Variants in DOK6 observed in about 807,000 individuals in gnomAD.
DOK6 encodes the protein docking protein 6, also known as downstream of tyrosine kinase 6.
A neutral mutation model predicts 44.0 loss-of-function variants in DOK6; 22 were observed. The observed-to-expected ratio is 0.50, with a 90% CI of 0.36 to 0.71. DOK6 has a LOEUF of 0.71. DOK6 is among the 30% of genes least tolerant of loss of function. The probability of loss-of-function intolerance (pLI) is 0.00; values close to 1 mark genes in which losing one functional copy is unlikely to be tolerated. For missense variants in DOK6, 340 were observed against 416.4 expected, an observed-to-expected ratio of 0.82 and a Z score of 1.60; for synonymous variants, 166 against 145.5, an observed-to-expected ratio of 1.14 and a Z score of -1.01.
chr18:69,690,174 A>G (rs892676232), intron 4 of DOK6, among the ~76,000 whole-genome samples: 14 of 152,120 alleles, frequency 9.2e-5, no homozygotes, highest in Non-Finnish European at 2.1e-4. Context: ...GGGAATTTTA[A>G]AAAGATACTG....
chr18:69,470,083 G>A, intron 1 of DOK6: 1 of 163,432 alleles, frequency 6.1e-6, no homozygotes. Context: ...TGCCACCACA[G>A]CATTATGATC....
At chr18:69,547,125 G>A (rs532773022) in intron 1 of DOK6, among the ~76,000 whole-genome samples, 6 of 151,486 alleles carry the variant, frequency 4.0e-5, no homozygotes, top group South Asian at 2.1e-4. Context: ...TTTTTGAGAC[G>A]GAGTCTCACT....
At chr18:69,694,058 C>CAAAAAAAAAAAAAAAAA (rs60662789) in intron 4 of DOK6, among the ~76,000 whole-genome samples, 23 of 62,006 alleles carry the variant, frequency 3.7e-4, no homozygotes, top group East Asian at 7.0e-4. Flanking sequence ...GACTCCGTGT[C>CAAAAAAAAAAAAAAAAA]AAAAAAAAAA....
intron 1 of DOK6, among the ~76,000 whole-genome samples, chr18:69,402,815 G>A (rs1402157270): frequency 6.6e-6 from 1 of 152,222 alleles, no homozygotes; most frequent in African/African-American, 2.4e-5. Context: ...TCCTCGGCCA[G>A]GTTTCAAGGG....
intron 2 of DOK6, among the ~76,000 whole-genome samples, chr18:69,593,387 A>AG (rs1166251235): frequency 1.3e-5 from 2 of 151,996 alleles, no homozygotes; most frequent in African/African-American, 4.8e-5. Context: ...AGAAAAAAAA[A>AG]AAAGAAAGAA....
At chr18:69,715,321 A>G (rs538226266) in intron 5 of DOK6, among the ~76,000 whole-genome samples, 27 of 152,352 alleles carry the variant, frequency 1.8e-4, no homozygotes, top group African/African-American at 6.0e-4. Flanking sequence ...TGGAAGCCAC[A>G]TTTATTATTA....
chr18:69,665,992 A>G (rs1012077675), intron 3 of DOK6, among the ~76,000 whole-genome samples: 1 of 152,086 alleles, frequency 6.6e-6, no homozygotes, highest in Non-Finnish European at 1.5e-5. Flanking sequence ...GCTTTCAACC[A>G]TTCACAGGCT....
At chr18:69,597,275 A>G (rs1983764693) in intron 2 of DOK6, among the ~76,000 whole-genome samples, 1 of 152,202 alleles carries the variant, frequency 6.6e-6, no homozygotes. Flanking sequence ...TCTCTAAGGC[A>G]TGTAGTTGAT....
intron 3 of DOK6, among the ~76,000 whole-genome samples, chr18:69,651,377 CT>C (rs1355785385): frequency 5.3e-5 from 8 of 152,010 alleles, no homozygotes; most frequent in African/African-American, 1.9e-4. Flanking sequence ...CTTGTCCCTG[CT>C]TTCCCTTAAG....
intron 4 of DOK6, among the ~76,000 whole-genome samples, chr18:69,695,800 A>G (rs567032313): frequency 6.6e-6 from 1 of 152,356 alleles, no homozygotes; most frequent in African/African-American, 2.4e-5. Flanking sequence ...TATAAATATA[A>G]TCTTAGCATA....
chr18:69,403,896 T>C (rs1916148440), intron 1 of DOK6, among the ~76,000 whole-genome samples: 1 of 152,226 alleles, frequency 6.6e-6, no homozygotes, highest in East Asian at 1.9e-4. Flanking sequence ...CCTAATTTTA[T>C]GGACTCAAAA....
At chr18:69,540,696 A>C (rs1173228639) in intron 1 of DOK6, among the ~76,000 whole-genome samples, 1 of 152,182 alleles carries the variant, frequency 6.6e-6, no homozygotes, top group East Asian at 1.9e-4. Context: ...TGTATATTCA[A>C]AATTATAGAC....
intron 5 of DOK6, among the ~76,000 whole-genome samples, chr18:69,717,652 C>G (rs530157773): frequency 2.6e-5 from 4 of 152,204 alleles, no homozygotes; most frequent in African/African-American, 7.2e-5. Flanking sequence ...AACTGGCAAG[C>G]CAAAGTAAGC....
At chr18:69,654,869 C>T (rs920394933) in intron 3 of DOK6, among the ~76,000 whole-genome samples, 1 of 152,056 alleles carries the variant, frequency 6.6e-6, no homozygotes, top group African/African-American at 2.4e-5. Flanking sequence ...ACAGTCTGAG[C>T]AACATGGCAA....
In DOK6 at chr18:69,492,531, G is replaced by A. The variant is rs75794607; in HGVS notation, c.67-71956G>A. 1.3e-3 allele frequency among the ~76,000 whole-genome samples: 191 copies of A among 152,158 alleles called. 1 individual carries two copies. The highest frequency in any genetic ancestry group is 4.3e-3 in the African/African-American group (180 of 41,550). On this transcript the variant is annotated intron_variant, in intron 1 of 7. Coordinates refer to ENST00000382713, the MANE Select transcript of DOK6 (RefSeq NM_152721.6). ...GATGTACAGATTACTTTGTCATTCA[G>A]ATAATAAGCATAGTACCCGATAGGT...
intron 6 of DOK6, among the ~76,000 whole-genome samples, chr18:69,756,737 G>A (rs141775881): frequency 1.3e-3 from 196 of 152,254 alleles, no homozygotes; most frequent in African/African-American, 4.1e-3. Context: ...GACCAGGCAC[G>A]GGGTGTGCAG....
intron 7 of DOK6, among the ~76,000 whole-genome samples, chr18:69,823,427 T>G (rs1176794651): frequency 6.6e-6 from 1 of 152,108 alleles, no homozygotes; most frequent in Non-Finnish European, 1.5e-5. Context: ...GAAGTTCAGA[T>G]GAGTGTGAGG....
At chr18:69,807,767 C>A (rs1956602830) in intron 7 of DOK6, among the ~76,000 whole-genome samples, 1 of 151,450 alleles carries the variant, frequency 6.6e-6, no homozygotes, top group South Asian at 2.1e-4. Context: ...ATGTGCACCC[C>A]AAATTGGAGC....
chr18:69,830,646 G>A (rs550625461), intron 7 of DOK6, among the ~76,000 whole-genome samples: 1 of 152,308 alleles, frequency 6.6e-6, no homozygotes, highest in East Asian at 1.9e-4. Context: ...AGCAGACTAA[G>A]ACATAGCTTT....
Sources: gnomAD v4.1 joint callset for allele counts (sites outside exome capture counted in the v4.1 genomes callset) on GRCh38, gnomAD v4.1.1 for gene constraint, MANE v1.5 for transcripts, NCBI Gene and HGNC (gene_info 2026-07-23, HGNC 2026-07-21) for gene names.